Variants in TNK1 observed in about 807,000 individuals in gnomAD.
The protein encoded by TNK1 is tyrosine kinase non receptor 1.
TNK1 carries 53 observed loss-of-function variants against 65.2 expected under a neutral mutation model. The observed-to-expected ratio is 0.81, with a 90% CI of 0.65 to 1.02. The LOEUF (loss-of-function observed/expected upper bound fraction) is 1.02, where lower values mean the gene tolerates loss of function less well. Among genes scored for constraint, TNK1 ranks in the 50% least tolerant of loss-of-function variants. The pLI is 0.00. For synonymous variants in TNK1, 353 were observed against 364.6 expected (o/e 0.97, Z 0.36); for missense variants, 837 against 878.4 (o/e 0.95, Z 0.60).
Position 7,383,501 on chromosome 17 carries a change from AG to A in TNK1, c.317del (p.Gly106AlafsTer5), listed in dbSNP as rs781321814. ...AGCCCACGGCACCTCCCTGAGCCAG[AG>A]GGGGGCCTCAAGTGTCTGATCCCAG... ...SDSPRHLPEP[E>X]GGLKCLIPEG... On this transcript the variant is annotated frameshift_variant, in exon 4 of 13. Transcript: ENST00000688331. LOFTEE classifies it high-confidence loss of function. 5 of 1,613,814 alleles carry A rather than the reference AG, an allele frequency of 3.1e-6. No individual in the cohort carries two copies. The highest frequency in any genetic ancestry group is 4.2e-6 in the Non-Finnish European group (5 of 1,179,864).
In TNK1 at chr17:7,389,183, G is replaced by C. The variant is rs1905423779; in HGVS notation, c.*99G>C. On this transcript the variant is annotated 3_prime_UTR_variant, in exon 13 of 13. Transcript: ENST00000688331. ...CGGAACCAGAACAAGGTCCCGACAG[G>C]GGTAGACGTTCCACCTGGGGAGATC... The C allele has an allele frequency of 2.1e-6, 2 of 971,434 alleles. No homozygotes were observed. Among genetic ancestry groups the C allele is most frequent in the African/African-American group, 3.3e-5 (2 of 61,242 alleles). 60.2% of individuals were successfully genotyped at this position (971,434 alleles called of 1,614,324 possible).
In TNK1 at chr17:7,383,280, G is replaced by A. The variant is rs536341401; in HGVS notation, c.194G>A (p.Arg65Lys). 405 of 1,614,054 alleles carry A rather than the reference G, an allele frequency of 2.5e-4. 2 individuals carry two copies. In the South Asian group the frequency reaches 4.1e-3, roughly 16 times the overall value. The change falls in exon 3 of 13, where the codon AGG (arginine) becomes AAG (lysine). Residue 65 changes from arginine to lysine, a missense_variant. Transcript: ENST00000688331. ...CGCAGACTGTCCGAAGCTCTGAAAAGGCTACGTTCTGGGCCTAAGTCTAAG... is the reference window on the plus strand; with the variant it reads ...CGCAGACTGTCCGAAGCTCTGAAAAAGCTACGTTCTGGGCCTAAGTCTAAG... Reference protein sequence around the residue: ...AQRRLSEALKRLRSGPKSKNW... With the variant: ...AQRRLSEALKKLRSGPKSKNW...
rs747920038 is a variant in TNK1, at chr17:7,382,971, G to T, written c.45G>T (p.Arg15=). The T allele has an allele frequency of 6.2e-7, 1 of 1,613,896 alleles. No individual in the cohort carries two copies. The highest frequency in any genetic ancestry group is 8.5e-7 in the Non-Finnish European group (1 of 1,179,902). Residue 15 remains arginine, a synonymous_variant, in exon 2 of 13, where the codon CGG becomes CGT. Transcript: ENST00000688331. This position sits in a 1 kb window ranked among gnomAD's most constrained non-coding sequence, Gnocchi z 4.1. The part of the protein sequence containing the change: ...AGSLWLLKLL[R]DIQLAQFYWP... ...CCCTGTGGCTACTGAAGCTGCTCCGGGACATCCAGTTGGCCCAGTTTTACT... is the reference window on the plus strand; with the variant it reads ...CCCTGTGGCTACTGAAGCTGCTCCGTGACATCCAGTTGGCCCAGTTTTACT...
At position 7,384,574 on chromosome 17, in the gene TNK1, G is replaced by A. The variant is rs1905065955; in HGVS notation, c.957G>A (p.Gly319=). 1 of 1,611,892 alleles carries A rather than the reference G, an allele frequency of 6.2e-7. No individual in the cohort carries two copies. The highest frequency in any genetic ancestry group is 1.3e-5 in the African/African-American group (1 of 74,902). Residue 319 remains glycine (G), a synonymous_variant, in exon 7 of 13, where the codon GGG becomes GGA. Transcript: ENST00000688331. ...TGACGCTGTGGGAGATGTTCTCCGG[G>A]GGCGAGGAACCCTGGGCCGGGGTCC... ...FGVTLWEMFS[G]GEEPWAGVPP...
chr17:7,383,037 C>T lies in TNK1; in HGVS notation c.111C>T (p.His37=). ...LEELNVTRPE[H]FDFVKPEDLD... Reference sequence around the variant, plus strand: ...AGCTTAATGTCACTCGGCCAGAGCACTTCGACTTTGTAAAGCCTGAGGACC... The same window carrying T: ...AGCTTAATGTCACTCGGCCAGAGCATTTCGACTTTGTAAAGCCTGAGGACC... Residue 37 remains histidine (H), a synonymous_variant, in exon 2 of 13, where the codon CAC becomes CAT. Transcript: ENST00000688331. The T allele has an allele frequency of 6.2e-7, 1 of 1,614,060 alleles. No individual in the cohort carries two copies. Among genetic ancestry groups the T allele is most frequent in the Non-Finnish European group, 8.5e-7 (1 of 1,179,908 alleles).
At position 7,388,563 on chromosome 17, in the gene TNK1, C is replaced by T. The variant is rs1470337013; in HGVS notation, c.1635C>T (p.Ser545=). Residue 545 remains serine, a synonymous_variant, in exon 11 of 13, where the codon AGC becomes AGT. Transcript: ENST00000688331. The surrounding 1 kb of genome is among the most constrained non-coding windows in gnomAD (Gnocchi z 4.5). ...TATCCTCTAGCTCTCCTCAGCCCAG[C>T]CAGCCCTCTAGGGAGAGGCTTCCCT... The part of the protein sequence containing the change: ...PPLSSSSPQP[S]QPSRERLPWP... 1.2e-6 allele frequency: 2 copies of T among 1,613,910 alleles called. No individual in the cohort carries two copies. Among genetic ancestry groups the T allele is most frequent in the Non-Finnish European group, 1.7e-6 (2 of 1,179,912 alleles).
At chr17:7,387,520 CT>C (rs1905249804) in intron 10 of TNK1, 63 bp downstream of exon 10, 3 of 1,400,672 alleles carry the variant, frequency 2.1e-6, no homozygotes, top group South Asian at 2.5e-5. Flanking sequence ...TTCCGACCCC[CT>C]GCCCTAAATC....
rs1302405308 is a variant in TNK1 at position 7,384,073 on chromosome 17, T to C, written c.686T>C (p.Leu229Pro). Residue 229 changes from leucine (L) to proline (P), a missense_variant, in exon 6 of 13, where the codon CTG (leucine) becomes CCG (proline). By Grantham distance (98) the Leu-to-Pro change is moderately conservative. Coordinates refer to ENST00000688331, the MANE Select transcript of TNK1 (RefSeq NM_003985.6). Reference protein sequence around the residue: ...VALLCLFLRQLAGAMAYLGAR... With the variant: ...VALLCLFLRQPAGAMAYLGAR... ...CTGCTCTGCCTCTTCCTGCGGCAGCTGGCGGGAGCCATGGCGTACCTGGGG... is the reference window on the plus strand; with the variant it reads ...CTGCTCTGCCTCTTCCTGCGGCAGCCGGCGGGAGCCATGGCGTACCTGGGG... 2.0e-6 allele frequency: 3 copies of C among 1,538,376 alleles called. No homozygotes were observed. Among genetic ancestry groups the C allele is most frequent in the Non-Finnish European group, 2.6e-6 (3 of 1,149,268 alleles).
chr17:7,382,261 G>A lies in TNK1; in HGVS notation c.-91-575G>A, dbSNP rs1175692508. Among the ~76,000 whole-genome samples, 4 of 55,382 alleles carry A rather than the reference G, an allele frequency of 7.2e-5. No individual in the cohort carries two copies. Among genetic ancestry groups the A allele is most frequent in the Admixed American group, 2.5e-4 (1 of 4,058 alleles). The allele number at this position is 55,382 out of a possible 152,430, so 36.3% of individuals were successfully genotyped here. A position where few individuals can be genotyped will look rare whatever the true frequency, so the allele number is the denominator to read the frequency against. ...AGCCTAGATGACAGAGCGAGACTCC[G>A]TCTCAAAAAAAAAAAAAAAGAGGAC... On this transcript the variant is annotated intron_variant, in intron 1 of 12. Coordinates refer to ENST00000688331, the MANE Select transcript of TNK1 (RefSeq NM_003985.6). This position sits in a 1 kb window ranked among gnomAD's most constrained non-coding sequence, Gnocchi z 4.1.
intron 7 of TNK1, 40 bp downstream of exon 7, chr17:7,384,794 C>T: frequency 6.5e-7 from 1 of 1,542,700 alleles, no homozygotes; most frequent in Non-Finnish European, 8.7e-7. Flanking sequence ...AGTCCCTCTT[C>T]CCTCCATTCG....
At chr17:7,386,774 C>T in intron 8 of TNK1, 119 bp downstream of exon 8, 1 of 1,106,722 alleles carries the variant, frequency 9.0e-7, no homozygotes, top group Non-Finnish European at 1.3e-6. Context: ...CTCATCTCCT[C>T]TCCCCACTGG....
intron 2 of TNK1, 49 bp from the exon 3 acceptor site, chr17:7,383,201 T>TCTTCCCCACACC (rs1904928417): frequency 3.1e-6 from 5 of 1,613,416 alleles, no homozygotes; most frequent in Non-Finnish European, 4.2e-6. Flanking sequence ...CTCTCCGCAC[T>TCTTCCCCACACC]CTTCCCCACA....
In TNK1 at chr17:7,383,318, A is replaced by G. The variant is rs1269688273; in HGVS notation, c.232A>G (p.Lys78Glu). The change falls in exon 3 of 13, where the codon AAG becomes GAG. Residue 78 changes from lysine to glutamate, a missense_variant and splice_region_variant. Lys to Glu is a moderately conservative substitution (Grantham distance 56). Coordinates refer to ENST00000688331, the MANE Select transcript of TNK1 (RefSeq NM_003985.6). Reference sequence around the variant, plus strand: ...GCCTAAGTCTAAGAACTGGGTCTACAAGGTGTGTGTTGTAGGTGGGCAGCT... The same window carrying G: ...GCCTAAGTCTAAGAACTGGGTCTACGAGGTGTGTGTTGTAGGTGGGCAGCT... ...SGPKSKNWVYKILGGFAPEHK... is the reference protein window; with the variant it reads ...SGPKSKNWVYEILGGFAPEHK... The G allele has an allele frequency of 6.2e-7, 1 of 1,613,922 alleles. No homozygotes were observed. The highest frequency in any genetic ancestry group is 1.7e-5 in the Admixed American group (1 of 60,010).
Position 7,388,270 on chromosome 17 carries a change from C to A in TNK1, c.1478-136C>A. ...CCGAAACCCCTTCTCTACAAAAATA[C>A]AAAAATTAGCCAGTCGTAATGGCAG... On this transcript the variant is annotated intron_variant, in intron 10 of 12. Coordinates refer to ENST00000688331, the MANE Select transcript of TNK1 (RefSeq NM_003985.6). This position sits in a 1 kb window ranked among gnomAD's most constrained non-coding sequence, Gnocchi z 4.5. 1 of 918,310 alleles carries A rather than the reference C, an allele frequency of 1.1e-6. No individual in the cohort carries two copies. The highest frequency in any genetic ancestry group is 1.6e-6 in the Non-Finnish European group (1 of 624,454). The allele number at this position is 918,310 out of a possible 1,614,324, so 56.9% of individuals were successfully genotyped here. A position where few individuals can be genotyped will look rare whatever the true frequency, so the allele number is the denominator to read the frequency against.
In TNK1 at chr17:7,383,857, T is replaced by C; in HGVS notation, c.575T>C (p.Leu192Pro). ...CACGGCCTTGTACTGGGCCAGCCTC[T>C]GCAGATGGTGAGCAGATCCAGCCGC... ...RLHGLVLGQP[L>P]QMVMELAPLG... Residue 192 changes from leucine (L) to proline (P), a missense_variant, in exon 5 of 13, where the codon CTG becomes CCG. Physicochemically the swap from Leu to Pro is moderately conservative, Grantham distance 98. Coordinates refer to ENST00000688331, the MANE Select transcript of TNK1 (RefSeq NM_003985.6). The C allele has an allele frequency of 6.2e-7, 1 of 1,609,048 alleles. No individual in the cohort carries two copies. Among genetic ancestry groups the C allele is most frequent in the Admixed American group, 1.7e-5 (1 of 59,438 alleles).
chr17:7,384,232 C>G lies in TNK1; in HGVS notation c.845C>G (p.Pro282Arg), dbSNP rs1002356948. 3.3e-6 allele frequency: 5 copies of G among 1,494,318 alleles called. No homozygotes were observed. The highest frequency in any genetic ancestry group is 3.5e-6 in the Non-Finnish European group (4 of 1,130,234). 92.6% of individuals were successfully genotyped at this position (1,494,318 alleles called of 1,614,324 possible). Residue 282 changes from proline to arginine, a missense_variant, in exon 6 of 13, where the codon CCC becomes CGC. Pro to Arg is a moderately radical substitution (Grantham distance 103). Transcript: ENST00000688331. ...GARGRYVMGG[P>R]RPIPYAWCAP... ...CGGGGCCGCTACGTCATGGGCGGGC[C>G]CCGCCCTATCCCCTACGCCTGGTGA...
At chr17:7,381,137 G>A (rs1211984323) in intron 1 of TNK1, 23 bp downstream of exon 1, 2 of 152,456 alleles carry the variant, frequency 1.3e-5, no homozygotes, top group African/African-American at 2.4e-5. Flanking sequence ...ACCGAGCAGG[G>A]GGCCCGGGCT....
intron 7 of TNK1, among the ~76,000 whole-genome samples, chr17:7,385,711 CCT>C (rs1385183794): frequency 5.3e-5 from 8 of 152,068 alleles, no homozygotes; most frequent in South Asian, 4.1e-4. Flanking sequence ...ATTACAGGCG[CCT>C]GCCACCACGC....
rs1481414998 is a variant in TNK1, at chr17:7,384,506, C to T, written c.889C>T (p.His297Tyr). The T allele has an allele frequency of 2.5e-6, 4 of 1,578,866 alleles. No homozygotes were observed. In the South Asian group the frequency reaches 4.6e-5, roughly 18 times the overall value. Residue 297 changes from histidine to tyrosine, a missense_variant, in exon 7 of 13, where the codon CAC becomes TAC. By Grantham distance (83) the His-to-Tyr change is moderately conservative. Transcript: ENST00000688331. ...YAWCAPESLR[H>Y]GAFSSASDVW... ...CAGGTGTGCCCCAGAGAGCCTGCGC[C>T]ACGGAGCCTTCTCGTCTGCCTCGGA...
Sources: allele counts gnomAD v4.1 joint callset (sites outside exome capture counted in the v4.1 genomes callset), GRCh38; gene constraint gnomAD v4.1.1; non-coding constraint Gnocchi (gnomAD v3.1); transcripts MANE v1.5; gene names NCBI Gene and HGNC (gene_info 2026-07-23, HGNC 2026-07-21).